The following MICAL2 variants were observed in gnomAD, a reference collection of about 807,000 sequenced individuals.
The protein encoded by MICAL2 is microtubule associated monooxygenase, calponin and LIM domain containing 2.
Under a neutral mutation model 127.3 loss-of-function variants are expected in MICAL2, and 77 were observed. The observed-to-expected ratio is 0.60, with a 90% CI of 0.50 to 0.73. MICAL2 has a LOEUF of 0.73. Among genes scored for constraint, MICAL2 ranks in the 30% least tolerant of loss-of-function variants. The pLI, the probability that MICAL2 is intolerant of heterozygous loss-of-function variation, is 0.00. For synonymous variants in MICAL2, 570 were observed against 551.1 expected (o/e 1.03, Z -0.48); for missense variants, 1,351 against 1,434.4 (o/e 0.94, Z 0.94).
chr11:12,128,893 A>G (rs2133534699), intron 1 of MICAL2, among the ~76,000 whole-genome samples: 1 of 152,398 alleles, frequency 6.6e-6, no homozygotes, highest in East Asian at 1.9e-4. Context: ...CAGAGAAGCT[A>G]TGTCAACACT....
At chr11:12,176,532 G>A (rs1486145696) in intron 3 of MICAL2, among the ~76,000 whole-genome samples, 3 of 152,066 alleles carry the variant, frequency 2.0e-5, no homozygotes, top group African/African-American at 7.3e-5. Context: ...TAAGTGCACA[G>A]TTCAGTGGCA....
At chr11:12,299,508 T>C (rs974779867) in intron 29 of MICAL2, among the ~76,000 whole-genome samples, 6 of 152,350 alleles carry the variant, frequency 3.9e-5, no homozygotes. Flanking sequence ...AAATTAATGG[T>C]GTACATAAAC....
rs1190357846 is a variant in MICAL2 at position 12,262,698 on chromosome 11, G to C, written c.*17+161G>C. 3 of 660,330 alleles carry C rather than the reference G, an allele frequency of 4.5e-6. No homozygotes were observed. The East Asian group carries it at 8.0e-5, about 18-fold the overall frequency. The allele number at this position is 660,330 out of a possible 1,614,324, so 40.9% of individuals were successfully genotyped here. A position where few individuals can be genotyped will look rare whatever the true frequency, so the allele number is the denominator to read the frequency against. On this transcript the variant is annotated intron_variant, in intron 27 of 27. Transcript: ENST00000683283. ...ATGGTTGGCTAACAGCATGGCGGGGGGTGTTCAGCTTGAGACCCATGCCTG... is the reference window on the plus strand; with the variant it reads ...ATGGTTGGCTAACAGCATGGCGGGGCGTGTTCAGCTTGAGACCCATGCCTG...
intron 2 of MICAL2, among the ~76,000 whole-genome samples, chr11:12,140,992 C>T (rs2133626308): frequency 1.3e-5 from 2 of 152,320 alleles, no homozygotes; most frequent in Admixed American, 1.3e-4. Context: ...CTGAACTTTT[C>T]CATATGTTGT....
At chr11:12,319,615 G>C in intron 29 of MICAL2, 1 of 1,000,098 alleles carries the variant, frequency 1.0e-6, no homozygotes, top group Non-Finnish European at 1.6e-6. Context: ...GAGTAAGTGG[G>C]GGAGGAGGAA....
intron 32 of MICAL2, among the ~76,000 whole-genome samples, chr11:12,338,958 T>C (rs1196077031): frequency 1.3e-5 from 2 of 152,210 alleles, no homozygotes; most frequent in African/African-American, 4.8e-5. Context: ...TCGAGGAGTA[T>C]CTTTGCGGCA....
chr11:12,239,087 G>A (rs1382038428), intron 16 of MICAL2, among the ~76,000 whole-genome samples: 2 of 152,076 alleles, frequency 1.3e-5, no homozygotes, highest in East Asian at 3.9e-4. Flanking sequence ...ATTATACTTG[G>A]TTTTTGCAGT....
At chr11:12,170,576 G>C (rs1856120843) in intron 3 of MICAL2, among the ~76,000 whole-genome samples, 1 of 152,202 alleles carries the variant, frequency 6.6e-6, no homozygotes, top group African/African-American at 2.4e-5. Flanking sequence ...AATAATGGGA[G>C]ACTTTAGGGC....
chr11:12,295,441 C>CTTTTTTTTTTTTTTTTTTTTT, downstream of MICAL2, among the ~76,000 whole-genome samples: 3 of 126,380 alleles, frequency 2.4e-5, no homozygotes, highest in Non-Finnish European at 4.9e-5. Context: ...TGCTCAGCCT[C>CTTTTTTTTTTTTTTTTTTTTT]TTTTTTTTTT....
chr11:12,124,159 A>G (rs1370641260), intron 1 of MICAL2, among the ~76,000 whole-genome samples: 1 of 152,034 alleles, frequency 6.6e-6, no homozygotes, highest in Non-Finnish European at 1.5e-5. Context: ...GTTAAGTTTC[A>G]ACTTGTTAAA....
chr11:12,226,954 A>G (rs1857558487), intron 14 of MICAL2, 71 bp from the exon 15 acceptor site: 2 of 1,257,446 alleles, frequency 1.6e-6, no homozygotes. Flanking sequence ...CACCCAGCCA[A>G]CACCTCCTTG....
At chr11:12,166,521 G>GT in intron 3 of MICAL2, among the ~76,000 whole-genome samples, 1 of 152,306 alleles carries the variant, frequency 6.6e-6, no homozygotes, top group South Asian at 2.1e-4. Flanking sequence ...CATTTGTCTA[G>GT]CTATGTAATA....
Position 12,249,245 on chromosome 11 carries a change from A to C in MICAL2, c.2846A>C (p.Gln949Pro), listed in dbSNP as rs1010475940. The stretch of plus-strand genomic sequence containing the variant: ...AGCCATTTGAGAACAGTGCATCCTC[A>C]GGTGAGTTAGAGCCTCCCTGAACTT... ...HPSHLRTVHP[Q>P]LTVGKVSSGI... The change falls in exon 22 of 28, where the codon CAG becomes CCG. Residue 949 changes from glutamine (Q) to proline (P), a missense_variant and splice_region_variant. Gln to Pro is a moderately conservative substitution (Grantham distance 76, BLOSUM62 -1). Around this residue, in one of 2 missense-constraint regions of MICAL2, gnomAD observed 752 missense variants for 719.4 expected, o/e 1.05. Transcript: ENST00000683283. 1 of 1,564,692 alleles carries C rather than the reference A, an allele frequency of 6.4e-7. No homozygotes were observed. Among genetic ancestry groups the C allele is most frequent in the Non-Finnish European group, 8.8e-7 (1 of 1,135,416 alleles).
At chr11:12,353,595 A>G (rs900545424) in intron 33 of MICAL2, among the ~76,000 whole-genome samples, 11 of 152,102 alleles carry the variant, frequency 7.2e-5, no homozygotes, top group East Asian at 5.8e-4. Context: ...ACATTACCAC[A>G]TGGGCTAGCC....
chr11:12,292,791 G>T (rs1437141929), downstream of MICAL2, among the ~76,000 whole-genome samples: 5 of 152,210 alleles, frequency 3.3e-5, no homozygotes, highest in African/African-American at 1.2e-4. Context: ...TGCCAGGCCT[G>T]TTCTAGACTC....
chr11:12,276,094 T>G, exon 1 of MICAL2: 1 of 399,206 alleles, frequency 2.5e-6, no homozygotes, highest in Non-Finnish European at 4.4e-6. Flanking sequence ...TCAGTGAGGA[T>G]CAGCCCTGGG....
At chr11:12,199,852 C>A (rs1860455995) in intron 3 of MICAL2, among the ~76,000 whole-genome samples, 2 of 152,208 alleles carry the variant, frequency 1.3e-5, no homozygotes, top group African/African-American at 4.8e-5. Flanking sequence ...GGATTTCCTG[C>A]AGGTGTTGGT....
intron 2 of MICAL2, among the ~76,000 whole-genome samples, chr11:12,143,303 C>T (rs1166951704): frequency 6.6e-6 from 1 of 152,178 alleles, no homozygotes; most frequent in East Asian, 1.9e-4. Context: ...GCTGAGGGTG[C>T]AAGGAATGAG....
At position 12,244,084 on chromosome 11, in the gene MICAL2, C is replaced by A; in HGVS notation, c.2756C>A (p.Thr919Asn). Residue 919 changes from threonine (T) to asparagine (N), a missense_variant, in exon 21 of 28, where the codon ACT (threonine) becomes AAT (asparagine). Physicochemically the swap from Thr to Asn is moderately conservative, Grantham distance 65. Transcript: ENST00000683283. ...PDPAASSSPS[T>N]VDSASPARKE... The stretch of plus-strand genomic sequence containing the variant: ...CCAGCTGCTTCTTCCTCTCCATCAA[C>A]TGTTGACTCTGCTTCTCCTGCCAGA... The A allele has an allele frequency of 8.1e-6, 13 of 1,614,250 alleles. No individual in the cohort carries two copies. Among genetic ancestry groups the A allele is most frequent in the Non-Finnish European group, 1.0e-5 (12 of 1,180,046 alleles).
Sources: allele counts gnomAD v4.1 joint callset (sites outside exome capture counted in the v4.1 genomes callset), GRCh38; gene constraint gnomAD v4.1.1; regional missense constraint gnomAD v4.1.1; transcripts MANE v1.5; gene names NCBI Gene and HGNC (gene_info 2026-07-23, HGNC 2026-07-21).